PCNX2: variants seen among roughly 807,000 people sequenced by gnomAD.
PCNX2 encodes the protein pecanex 2, also known as pecanex-like protein 2.
PCNX2 carries 168 observed loss-of-function variants against 223.8 expected under a neutral mutation model. The ratio of observed to expected loss-of-function variants is 0.75; its 90% CI spans 0.66 to 0.85. The LOEUF is 0.85. PCNX2 is among the 40% of genes least tolerant of loss of function. PCNX2 has a pLI of 0.00. For missense variants in PCNX2, 2,507 were observed against 2,675.5 expected (o/e 0.94, Z 1.39); for synonymous variants, 1,006 against 1,052.6 (o/e 0.96, Z 0.86).
chr1:233,005,035 C>T (rs913631327), intron 28 of PCNX2, among the ~76,000 whole-genome samples: 3 of 152,130 alleles, frequency 2.0e-5, no homozygotes, highest in Non-Finnish European at 2.9e-5. Context: ...AGGCTGATGC[C>T]GAGAGTGGAG....
chr1:233,012,428 T>C (rs1244730328), intron 28 of PCNX2, among the ~76,000 whole-genome samples: 1 of 152,048 alleles, frequency 6.6e-6, no homozygotes, highest in African/African-American at 2.4e-5. Context: ...AGAAGTTGTC[T>C]TTTGTAAGTG....
intron 22 of PCNX2, among the ~76,000 whole-genome samples, chr1:233,095,111 G>T (rs1022312399): frequency 6.6e-6 from 1 of 152,048 alleles, no homozygotes; most frequent in Admixed American, 6.6e-5. Context: ...TTACCCACGC[G>T]TGCACATATA....
intron 19 of PCNX2, among the ~76,000 whole-genome samples, chr1:233,143,298 A>C (rs929768163): frequency 6.6e-6 from 1 of 152,178 alleles, no homozygotes; most frequent in Non-Finnish European, 1.5e-5. Flanking sequence ...AAGCTGAAAA[A>C]CACTGTCCTA....
At chr1:233,241,970 G>C (rs1415047461) in intron 8 of PCNX2, among the ~76,000 whole-genome samples, 2 of 152,060 alleles carry the variant, frequency 1.3e-5, no homozygotes, top group Non-Finnish European at 2.9e-5. Flanking sequence ...TGGGAACCAG[G>C]TAGATAATTA....
chr1:233,291,501 G>A (rs866381202), intron 1 of PCNX2, among the ~76,000 whole-genome samples: 8 of 152,004 alleles, frequency 5.3e-5, no homozygotes, highest in South Asian at 2.1e-4. Flanking sequence ...CCAGCTACTC[G>A]GGAGGCTGAG....
intron 21 of PCNX2, among the ~76,000 whole-genome samples, chr1:233,123,695 CATT>C (rs1480533718): frequency 1.3e-5 from 2 of 152,018 alleles, no homozygotes; most frequent in Non-Finnish European, 2.9e-5. Flanking sequence ...TCTCTAAAGA[CATT>C]GTTGTGGACC....
At chr1:233,083,185 G>C (rs895642065) in intron 23 of PCNX2, among the ~76,000 whole-genome samples, 1 of 152,180 alleles carries the variant, frequency 6.6e-6, no homozygotes, top group South Asian at 2.1e-4. Flanking sequence ...AGGTGAAGGT[G>C]GGGAGGGTTA....
chr1:233,071,435 T>C (rs1280972749), intron 23 of PCNX2, among the ~76,000 whole-genome samples: 2 of 152,198 alleles, frequency 1.3e-5, no homozygotes, highest in African/African-American at 4.8e-5. Flanking sequence ...TCTGTGTTAG[T>C]TTGCTGAGGA....
At chr1:233,292,090 A>G (rs1661797688) in intron 1 of PCNX2, 1 of 906,718 alleles carries the variant, frequency 1.1e-6, no homozygotes, top group Non-Finnish European at 1.3e-6. Context: ...CATTCTAGGG[A>G]TTATAAATAA....
At chr1:233,179,914 T>C (rs74145093) in intron 15 of PCNX2, among the ~76,000 whole-genome samples, 3,606 of 152,306 alleles carry the variant, frequency 0.024, 145 homozygotes, top group African/African-American at 0.081. Flanking sequence ...AAGAAAGTGT[T>C]AAGCTATTAG....
intron 30 of PCNX2, chr1:232,999,597 G>A: frequency 1.9e-6 from 1 of 525,830 alleles, no homozygotes; most frequent in Non-Finnish European, 3.3e-6. Context: ...GGAATTACAG[G>A]CATGTGCCAA....
At chr1:232,996,268 C>A (rs143105509) in intron 32 of PCNX2, among the ~76,000 whole-genome samples, 174 of 152,324 alleles carry the variant, frequency 1.1e-3, no homozygotes, top group Admixed American at 2.0e-3. Context: ...GCCACACCCC[C>A]CTGACTCTGG....
At chr1:233,054,998 T>A (rs1672140090) in intron 24 of PCNX2, among the ~76,000 whole-genome samples, 1 of 152,150 alleles carries the variant, frequency 6.6e-6, no homozygotes, top group South Asian at 2.1e-4. Context: ...TATATATGAG[T>A]GTGTTCTGTT....
rs1660135162 is a variant in PCNX2 at position 233,262,940 on chromosome 1, A to C, written c.359+18T>G. The C allele has an allele frequency of 1.2e-6, 2 of 1,607,510 alleles. No homozygotes were observed. The highest frequency in any genetic ancestry group is 2.2e-5 in the South Asian group (2 of 90,712). ...AAACATTTACATTTTGAAGTGTCAC[A>C]TTAATTGAAAATATTACCTTGGATT... On this transcript the variant is annotated intron_variant, in intron 2 of 33. Coordinates refer to ENST00000258229, the MANE Select transcript of PCNX2 (RefSeq NM_014801.4).
chr1:233,156,602 A>C (rs1678142389), intron 19 of PCNX2, among the ~76,000 whole-genome samples: 1 of 151,932 alleles, frequency 6.6e-6, no homozygotes, highest in African/African-American at 2.4e-5. Context: ...TCGGGGCAAG[A>C]CTTCTCTGGA....
At chr1:233,199,835 C>T (rs540190891) in intron 14 of PCNX2, among the ~76,000 whole-genome samples, 2 of 152,198 alleles carry the variant, frequency 1.3e-5, no homozygotes, top group South Asian at 4.2e-4. Flanking sequence ...TATCCACTCA[C>T]ACATGCTCAC....
rs71173255 is a variant in PCNX2, at chr1:233,208,826, CAAAAAAAAAAAA to C, written c.2692-149_2692-138del. The C allele has an allele frequency of 8.6e-4, 51 of 59,602 alleles. 1 individual carries two copies. Among genetic ancestry groups the C allele is most frequent in the African/African-American group, 2.1e-3 (36 of 17,432 alleles). 3.7% of individuals were successfully genotyped at this position (59,602 alleles called of 1,614,324 possible). ...TCCCCCAAACACCACAATTCATATACAAAAAAAAAAAAAAAAAAAAAAAAACAGGAAAAAAAG... is the reference window on the plus strand; with the variant it reads ...TCCCCCAAACACCACAATTCATATACAAAAAAAAAAAAACAGGAAAAAAAG... On this transcript the variant is annotated intron_variant, in intron 12 of 33. Coordinates refer to ENST00000258229, the MANE Select transcript of PCNX2 (RefSeq NM_014801.4).
chr1:233,040,337 A>G (rs1170816236), intron 25 of PCNX2, among the ~76,000 whole-genome samples: 4 of 152,214 alleles, frequency 2.6e-5, no homozygotes, highest in African/African-American at 9.6e-5. Flanking sequence ...GCTTTAGATT[A>G]CAGGATTGTC....
At chr1:233,179,243 A>G in intron 15 of PCNX2, 68 bp from the exon 16 acceptor site, 1 of 1,482,700 alleles carries the variant, frequency 6.7e-7, no homozygotes, top group Non-Finnish European at 9.4e-7. Context: ...TCTATCAGAC[A>G]TTTAGAAATA....
Sources: allele counts gnomAD v4.1 joint callset (sites outside exome capture counted in the v4.1 genomes callset), GRCh38; gene constraint gnomAD v4.1.1; transcripts MANE v1.5; gene names NCBI Gene and HGNC (gene_info 2026-07-23, HGNC 2026-07-21).